SDC1: variants seen among roughly 807,000 people sequenced by gnomAD.
SDC1 encodes the protein syndecan 1.
In SDC1, 14 loss-of-function variants were observed where a neutral mutation model predicts 29.7. That is an observed-to-expected ratio of 0.47 (90% CI 0.31 to 0.74). The LOEUF is 0.74. Ranked by LOEUF, SDC1 falls within the 30% of genes least tolerant of loss-of-function variation. SDC1 has a pLI of 0.05. For synonymous variants in SDC1, 204 were observed against 175.5 expected (o/e 1.16, Z -1.29); for missense variants, 406 against 400.3 (o/e 1.01, Z -0.12).
intron 1 of SDC1, among the ~76,000 whole-genome samples, chr2:20,218,708 CAG>C (rs1331060763): frequency 6.6e-6 from 1 of 151,472 alleles, no homozygotes; most frequent in Non-Finnish European, 1.5e-5. Context: ...CACAAAGAGA[CAG>C]ACACATAGAG....
rs1677930604 is a variant in SDC1 at position 20,224,543 on chromosome 2, A to G, written c.66+259T>C. Among the ~76,000 whole-genome samples, 1 of 151,026 alleles carries G rather than the reference A, an allele frequency of 6.6e-6. No individual in the cohort carries two copies. Among genetic ancestry groups the G allele is most frequent in the Non-Finnish European group, 1.5e-5 (1 of 67,658 alleles). Reference sequence around the variant, plus strand: ...GGCTGGCGGGCTCCGACAGATGTGGAGACGTTTTACATAATTGAGCGCGGG... The same window carrying G: ...GGCTGGCGGGCTCCGACAGATGTGGGGACGTTTTACATAATTGAGCGCGGG... On this transcript the variant is annotated intron_variant, in intron 1 of 4. Coordinates refer to ENST00000254351, the MANE Select transcript of SDC1 (RefSeq NM_002997.5). This position sits in a 1 kb window ranked among gnomAD's most constrained non-coding sequence, Gnocchi z 4.9.
At chr2:20,214,899 C>G (rs1026848639) in intron 1 of SDC1, among the ~76,000 whole-genome samples, 1 of 152,158 alleles carries the variant, frequency 6.6e-6, no homozygotes, top group Non-Finnish European at 1.5e-5. Context: ...CAAGCACTTT[C>G]TCTGAATTAA....
rs57614838 is a variant in SDC1, at chr2:20,222,397, G to GC, written c.66+2404dup. Among the ~76,000 whole-genome samples, 557 of 152,302 alleles carry GC rather than the reference G, an allele frequency of 3.7e-3. 27 individuals carry two copies. The East Asian group carries it at 0.092, about 25-fold the overall frequency. ...TCAGAGCTTTGGGAAGGCAGTGCAT[G>GC]CCCCCACCTTTAACCTAACATGGAC... On this transcript the variant is annotated intron_variant, in intron 1 of 4. Coordinates refer to ENST00000254351, the MANE Select transcript of SDC1 (RefSeq NM_002997.5).
At chr2:20,223,279 CTG>C (rs1677879011) in intron 1 of SDC1, 2 of 1,298,286 alleles carry the variant, frequency 1.5e-6, no homozygotes, top group Non-Finnish European at 2.0e-6. Context: ...GAGACAGACT[CTG>C]TAAAGAAAAA....
rs1185620262 is a variant in SDC1 at position 20,202,779 on chromosome 2, T to G, written c.920A>C (p.Glu307Ala). ...GAYQKPTKQE[E>A]FYA ...ATGGCTCCCGCGTCAGGCATAGAAT[T>G]CCTCCTGTTTGGTGGGCTTCTGGTA... is the stretch of plus-strand genomic sequence containing the variant. The change falls in exon 5 of 5, where the codon GAA becomes GCA. Residue 307 changes from glutamate to alanine, a missense_variant. Glu to Ala is a moderately radical substitution (Grantham distance 107). Coordinates refer to ENST00000254351, the MANE Select transcript of SDC1 (RefSeq NM_002997.5). The G allele has an allele frequency of 2.5e-6, 4 of 1,608,888 alleles. No individual in the cohort carries two copies. The highest frequency in any genetic ancestry group is 1.7e-6 in the Non-Finnish European group (2 of 1,177,686).
intron 1 of SDC1, among the ~76,000 whole-genome samples, chr2:20,210,167 C>T (rs1018512050): frequency 8.5e-5 from 13 of 152,212 alleles, no homozygotes; most frequent in South Asian, 4.1e-4. Context: ...CATGGTGAAA[C>T]CCCGTCTCTA....
rs1243206787 is a variant in SDC1, at chr2:20,200,803, G to GA, written c.*1962dup. On this transcript the variant is annotated 3_prime_UTR_variant, in exon 5 of 5. Transcript: ENST00000254351. ...ACCACCACCACAGCAGCTGTTGCCC[G>GA]AAATGACAAGTACCGTTTATTGTCG... is the stretch of plus-strand genomic sequence containing the variant. 3 of 152,358 alleles carry GA rather than the reference G, an allele frequency of 2.0e-5. No individual in the cohort carries two copies. Among genetic ancestry groups the GA allele is most frequent in the African/African-American group, 7.2e-5 (3 of 41,554 alleles). The allele number at this position is 152,358 out of a possible 1,614,324, so 9.4% of individuals were successfully genotyped here.
intron 1 of SDC1, among the ~76,000 whole-genome samples, chr2:20,207,580 C>G (rs940439288): frequency 9.8e-5 from 15 of 152,294 alleles, no homozygotes; most frequent in African/African-American, 3.4e-4. Flanking sequence ...TGGTGCGGGC[C>G]TATAGTCCCA....
intron 1 of SDC1, among the ~76,000 whole-genome samples, chr2:20,209,889 G>A (rs1677405721): frequency 6.6e-6 from 1 of 152,264 alleles, no homozygotes; most frequent in Non-Finnish European, 1.5e-5. Flanking sequence ...ACGGGGGGCA[G>A]CGGGCCCAGT....
rs542790854 is a variant in SDC1, at chr2:20,221,504, G to A, written c.66+3298C>T. On this transcript the variant is annotated intron_variant, in intron 1 of 4. Transcript: ENST00000254351. ...ATGAGGAGGACGACCCTGGCAGGCA[G>A]AGATTAAATCATGCCTAGCATTTTT... Among the ~76,000 whole-genome samples the A allele has an allele frequency of 1.1e-4, 17 of 152,322 alleles. No individual in the cohort carries two copies. In the South Asian group the frequency reaches 3.5e-3, roughly 32 times the overall value.
chr2:20,215,951 A>T (rs558203104), intron 1 of SDC1, among the ~76,000 whole-genome samples: 5 of 152,388 alleles, frequency 3.3e-5, no homozygotes, highest in African/African-American at 1.2e-4. Context: ...CCAGGCCTTC[A>T]GGCTCAGGTG....
chr2:20,205,251 A>G (rs1200757760), intron 2 of SDC1, 92 bp downstream of exon 2: 1 of 980,932 alleles, frequency 1.0e-6, no homozygotes, highest in East Asian at 2.4e-5. Flanking sequence ...CACTCAGTAC[A>G]TGCTCAGTAA....
At chr2:20,211,501 C>G (rs1677463720) in intron 1 of SDC1, among the ~76,000 whole-genome samples, 2 of 152,252 alleles carry the variant, frequency 1.3e-5, no homozygotes, top group Admixed American at 6.5e-5. Flanking sequence ...CCTCCCTCCC[C>G]CAGGAGCTGA....
At chr2:20,205,689 A>C (rs1469627385) in intron 1 of SDC1, among the ~76,000 whole-genome samples, 3 of 152,062 alleles carry the variant, frequency 2.0e-5, no homozygotes, top group Non-Finnish European at 2.9e-5. Flanking sequence ...TCACCCTGAG[A>C]AGCTCAGTCT....
rs559649098 is a variant in SDC1 at position 20,205,917 on chromosome 2, G to C, written c.67-493C>G. 1.6e-4 allele frequency among the ~76,000 whole-genome samples: 25 copies of C among 152,368 alleles called. No homozygotes were observed. The South Asian group carries it at 5.0e-3, about 30-fold the overall frequency. On this transcript the variant is annotated intron_variant, in intron 1 of 4. Coordinates refer to ENST00000254351, the MANE Select transcript of SDC1 (RefSeq NM_002997.5). Reference sequence around the variant, plus strand: ...ACAATCTCAGGACAACCTGGGTGCAGAGGCAGCCTCCAGGCATGCTGGCCC... The same window carrying C: ...ACAATCTCAGGACAACCTGGGTGCACAGGCAGCCTCCAGGCATGCTGGCCC...
chr2:20,218,620 C>A (rs1253079178), intron 1 of SDC1, among the ~76,000 whole-genome samples: 1 of 150,450 alleles, frequency 6.6e-6, no homozygotes, highest in Non-Finnish European at 1.5e-5. Context: ...CGCAGACACA[C>A]ACAGACACAT....
intron 1 of SDC1, among the ~76,000 whole-genome samples, chr2:20,215,429 T>C (rs1467570780): frequency 6.6e-6 from 1 of 152,180 alleles, no homozygotes; most frequent in African/African-American, 2.4e-5. Context: ...AGCCTGCTAG[T>C]GAAGGCTCAT....
intron 1 of SDC1, among the ~76,000 whole-genome samples, chr2:20,211,842 T>C (rs1399806281): frequency 1.3e-5 from 2 of 151,478 alleles, no homozygotes; most frequent in African/African-American, 4.9e-5. Flanking sequence ...TGTGGATCTG[T>C]GGCTGCCTTC....
chr2:20,214,696 T>G (rs773865876), intron 1 of SDC1, among the ~76,000 whole-genome samples: 21 of 152,272 alleles, frequency 1.4e-4, no homozygotes, highest in Non-Finnish European at 2.5e-4. Context: ...CCACATGCCT[T>G]GCCCAGAGCT....
Sources: gnomAD v4.1 joint callset for allele counts (sites outside exome capture counted in the v4.1 genomes callset) on GRCh38, gnomAD v4.1.1 for gene constraint, Gnocchi (gnomAD v3.1) non-coding constraint, MANE v1.5 for transcripts, NCBI Gene and HGNC (gene_info 2026-07-23, HGNC 2026-07-21) for gene names.